The following MTA3 variants were observed in gnomAD, a reference collection of about 807,000 sequenced individuals.
The protein encoded by MTA3 is metastasis associated 1 family member 3, also known as metastasis-associated protein MTA3.
A neutral mutation model predicts 83.5 loss-of-function variants in MTA3; 34 were observed. That is an observed-to-expected ratio of 0.41 (90% CI 0.31 to 0.54). The LOEUF is 0.54. Among genes scored for constraint, MTA3 ranks in the 20% least tolerant of loss-of-function variants. The pLI is 0.33. For synonymous variants in MTA3, 303 were observed against 252.7 expected, an observed-to-expected ratio of 1.20 and a Z score of -1.89; for missense variants, 761 against 726.4, an observed-to-expected ratio of 1.05 and a Z score of -0.55.
At chr2:42,731,275 T>C (rs1327639919) in intron 16 of MTA3, among the ~76,000 whole-genome samples, 1 of 152,272 alleles carries the variant, frequency 6.6e-6, no homozygotes, top group Non-Finnish European at 1.5e-5. Context: ...TTCCTAGTTC[T>C]TTAATATGCA....
intron 8 of MTA3, among the ~76,000 whole-genome samples, chr2:42,681,890 C>CA (rs1558577256): frequency 1.5e-5 from 2 of 130,534 alleles, no homozygotes; most frequent in East Asian, 4.4e-4. Context: ...GAGCCTATCT[C>CA]AAAAAAAGAA....
upstream of MTA3, among the ~76,000 whole-genome samples, chr2:42,565,458 A>C (rs2103809611): frequency 6.6e-6 from 1 of 151,228 alleles, no homozygotes. Flanking sequence ...GTGAGCCACC[A>C]TGCCTAGCCA....
At chr2:42,626,228 C>G (rs1686074039) in intron 4 of MTA3, among the ~76,000 whole-genome samples, 1 of 150,134 alleles carries the variant, frequency 6.7e-6, no homozygotes, top group African/African-American at 2.5e-5. Context: ...CAGGCGTGAA[C>G]CACCGTGCCC....
chr2:42,503,072 G>C (rs556939505), intron 2 of MTA3, among the ~76,000 whole-genome samples: 55 of 152,146 alleles, frequency 3.6e-4, no homozygotes, highest in Non-Finnish European at 7.6e-4. Flanking sequence ...AGGCAAGTCC[G>C]TACAGTAATG....
chr2:42,583,378 GT>G (rs1295501032), intron 3 of MTA3, among the ~76,000 whole-genome samples: 1 of 152,170 alleles, frequency 6.6e-6, no homozygotes, highest in East Asian at 1.9e-4. Context: ...AGCACATAAA[GT>G]TGTCTGAAGA....
At chr2:42,694,063 G>A (rs1320221394) in intron 9 of MTA3, among the ~76,000 whole-genome samples, 1 of 152,110 alleles carries the variant, frequency 6.6e-6, no homozygotes, top group African/African-American at 2.4e-5. Flanking sequence ...AGGAGCTAGG[G>A]CCTGGAATGG....
At position 42,611,341 on chromosome 2, in the gene MTA3, C is replaced by A. The variant is rs1534759; in HGVS notation, c.317+1757C>A. Reference sequence around the variant, plus strand: ...AACACATACACACACACACACACACCCCCTCACACACATGCTCCAATTCCT... The same window carrying A: ...AACACATACACACACACACACACACACCCTCACACACATGCTCCAATTCCT... On this transcript the variant is annotated intron_variant, in intron 4 of 16. Transcript: ENST00000405094. 1.9e-3 allele frequency among the ~76,000 whole-genome samples: 286 copies of A among 149,620 alleles called. 3 individuals carry two copies. The highest frequency in any genetic ancestry group is 0.01 in the South Asian group (49 of 4,708).
chr2:42,548,713 G>A (rs551360628), intron 2 of MTA3, among the ~76,000 whole-genome samples: 2 of 143,820 alleles, frequency 1.4e-5, no homozygotes, highest in South Asian at 2.2e-4. Flanking sequence ...TGAGATGGGA[G>A]GATCACCTGA....
intron 2 of MTA3, among the ~76,000 whole-genome samples, chr2:42,513,550 G>A (rs753688099): frequency 2.6e-5 from 4 of 152,158 alleles, no homozygotes; most frequent in Non-Finnish European, 4.4e-5. Flanking sequence ...TAAACCTAGC[G>A]AGAGACCCAG....
intron 4 of MTA3, among the ~76,000 whole-genome samples, chr2:42,610,755 G>A (rs1299672393): frequency 6.6e-6 from 1 of 152,086 alleles, no homozygotes; most frequent in Non-Finnish European, 1.5e-5. Context: ...GAGAGTATGA[G>A]GCACAAATAG....
chr2:42,744,469 C>T (rs1318086546), intron 16 of MTA3, among the ~76,000 whole-genome samples: 1 of 152,130 alleles, frequency 6.6e-6, no homozygotes, highest in African/African-American at 2.4e-5. Context: ...TGGTTCACTG[C>T]CTCCTTAATA....
At chr2:42,633,980 T>C (rs1686942310) in intron 4 of MTA3, among the ~76,000 whole-genome samples, 1 of 152,188 alleles carries the variant, frequency 6.6e-6, no homozygotes. Flanking sequence ...GTTTTCTTAA[T>C]GTAGAACAGT....
chr2:42,725,925 C>G (rs1002308347), intron 16 of MTA3, among the ~76,000 whole-genome samples: 1 of 152,190 alleles, frequency 6.6e-6, no homozygotes, highest in Non-Finnish European at 1.5e-5. Flanking sequence ...AGAAAGTGCC[C>G]ACATTCTTGT....
At position 42,643,034 on chromosome 2, in the gene MTA3, T is replaced by TCC. The variant is rs10533235; in HGVS notation, c.382-1082_382-1081dup. ...GCATAAACTGTCACATATTGGTGTC[T>TCC]CCCCCCCCCCCCTTTTTTTTTTAAC... On this transcript the variant is annotated intron_variant, in intron 5 of 16. Transcript: ENST00000405094. Among the ~76,000 whole-genome samples the TCC allele has an allele frequency of 7.3e-5, 9 of 123,524 alleles. No homozygotes were observed. In the South Asian group the frequency reaches 1.1e-3, roughly 15 times the overall value. The allele number at this position is 123,524 out of a possible 152,430, so 81.0% of individuals were successfully genotyped here.
chr2:42,735,037 G>A (rs1668511677), intron 16 of MTA3, among the ~76,000 whole-genome samples: 1 of 152,136 alleles, frequency 6.6e-6, no homozygotes, highest in African/African-American at 2.4e-5. Context: ...GTTTTTCTGT[G>A]TGCTTACTAT....
At chr2:42,652,025 A>T (rs1197711604) in intron 6 of MTA3, among the ~76,000 whole-genome samples, 1 of 152,002 alleles carries the variant, frequency 6.6e-6, no homozygotes, top group Non-Finnish European at 1.5e-5. Context: ...TGAACCCGGG[A>T]GGTGGAAGTT....
chr2:42,533,419 C>G (rs1020824579), intron 2 of MTA3: 1 of 151,716 alleles, frequency 6.6e-6, no homozygotes, highest in African/African-American at 2.4e-5. Flanking sequence ...GCCTAGAGAA[C>G]ACATTTTGGG....
rs1676884739 is a variant in MTA3 at position 42,548,813 on chromosome 2, A to ATATATATATATATAT, written c.-140-21623_-140-21609dup. On this transcript the variant is annotated intron_variant, in intron 2 of 17. Coordinates refer to the MTA3 transcript ENST00000405592. Reference sequence around the variant, plus strand: ...GTGAGACCCTGTCTCAAAAAAAAATATATATATATATATATAATATATATA... The same window carrying ATATATATATATATAT: ...GTGAGACCCTGTCTCAAAAAAAAATATATATATATATATATTATATATATATATATAATATATATA... 8.2e-5 allele frequency among the ~76,000 whole-genome samples: 3 copies of ATATATATATATATAT among 36,684 alleles called. No individual in the cohort carries two copies. The Admixed American group carries it at 1.3e-3, about 16-fold the overall frequency. 24.1% of individuals were successfully genotyped at this position (36,684 alleles called of 152,430 possible).
intron 2 of MTA3, among the ~76,000 whole-genome samples, chr2:42,519,410 A>G (rs1314325322): frequency 6.6e-6 from 1 of 152,128 alleles, no homozygotes; most frequent in Non-Finnish European, 1.5e-5. Flanking sequence ...GTTCAAGACC[A>G]GCCTGGCCAA....
Sources: gnomAD v4.1 joint callset for allele counts (sites outside exome capture counted in the v4.1 genomes callset) on GRCh38, gnomAD v4.1.1 for gene constraint, MANE v1.5 for transcripts, NCBI Gene and HGNC (gene_info 2026-07-23, HGNC 2026-07-21) for gene names.